The following SYNM variants were observed in gnomAD, a reference collection of about 807,000 sequenced individuals.
SYNM encodes the protein synemin.
A neutral mutation model predicts 104.0 loss-of-function variants in SYNM; 95 were observed. The ratio of observed to expected loss-of-function variants is 0.91; its 90% CI spans 0.77 to 1.08. The LOEUF (loss-of-function observed/expected upper bound fraction) is 1.08. Ranked by LOEUF, SYNM falls within the 50% of genes least tolerant of loss-of-function variation. SYNM has a pLI of 0.00. For synonymous variants in SYNM, 918 were observed against 869.0 expected, an observed-to-expected ratio of 1.06 and a Z score of -0.99; for missense variants, 2,150 against 2,052.2, an observed-to-expected ratio of 1.05 and a Z score of -0.92.
chr15:99,111,573 T>C lies in SYNM; in HGVS notation c.811-2018T>C, dbSNP rs549871721. The stretch of plus-strand genomic sequence containing the variant: ...CAGCTGTGGGATCTGTTATCGTTTT[T>C]CCACCCTGGGACATAAGCCAGTGAT... On this transcript the variant is annotated intron_variant, in intron 1 of 3. Transcript: ENST00000336292. Among the ~76,000 whole-genome samples, 26 of 152,372 alleles carry C rather than the reference T, an allele frequency of 1.7e-4. No individual in the cohort carries two copies. In the South Asian group the frequency reaches 4.1e-3, roughly 24 times the overall value.
intron 1 of SYNM, 63 bp downstream of exon 1, chr15:99,106,072 T>G: frequency 7.4e-7 from 1 of 1,345,620 alleles, no homozygotes; most frequent in Non-Finnish European, 9.5e-7. Flanking sequence ...CACCCTGCCC[T>G]TGACGGCGTG....
At chr15:99,117,311 C>T (rs547225902) in intron 2 of SYNM, among the ~76,000 whole-genome samples, 10 of 152,296 alleles carry the variant, frequency 6.6e-5, no homozygotes, top group South Asian at 6.2e-4. Context: ...GTCATCCTCT[C>T]GGCCTCTCCA....
At chr15:99,125,461 C>T (rs782264760) in intron 2 of SYNM, among the ~76,000 whole-genome samples, 3 of 152,246 alleles carry the variant, frequency 2.0e-5, no homozygotes, top group African/African-American at 4.8e-5. Context: ...GCACATGCCC[C>T]GTCCACACAC....
Position 99,105,551 on chromosome 15 carries a change from CGCGAGCTG to C in SYNM, c.353_360del (p.Arg118ProfsTer154), listed in dbSNP as rs1201585164. 10 of 1,205,516 alleles carry C rather than the reference CGCGAGCTG, an allele frequency of 8.3e-6. No homozygotes were observed. The Admixed American group carries it at 2.7e-4, about 33-fold the overall frequency. The allele number at this position is 1,205,516 out of a possible 1,614,324, so 74.7% of individuals were successfully genotyped here. A position where few individuals can be genotyped will look rare whatever the true frequency, so the allele number is the denominator to read the frequency against. ...GGACGCCGAGCTGGGTGCGCAGCAG[CGCGAGCTG>C]CAGGAGGCGCTGGGCGCGCGCGCCG... On this transcript the variant is annotated frameshift_variant, in exon 1 of 4. Coordinates refer to ENST00000336292, the MANE Select transcript of SYNM (RefSeq NM_145728.3). LOFTEE classifies it high-confidence loss of function.
Position 99,131,458 on chromosome 15 carries a change from CGGT to C in SYNM, c.3102_3104del (p.Val1035del), listed in dbSNP as rs2067505897. 1 of 1,606,826 alleles carries C rather than the reference CGGT, an allele frequency of 6.2e-7. No homozygotes were observed. Among genetic ancestry groups the C allele is most frequent in the Non-Finnish European group, 8.5e-7 (1 of 1,179,176 alleles). On this transcript the variant is annotated inframe_deletion, in exon 4 of 4. Transcript: ENST00000336292. The surrounding 1 kb of genome is among the most constrained non-coding windows in gnomAD (Gnocchi z 4.3). ...AGTGAGATGGAGAAGGCTGTGGAGT[CGGT>C]GGTTCGGGAGAGCCTGAGCAGGCAA...
At position 99,111,627 on chromosome 15, in the gene SYNM, C is replaced by T. The variant is rs150223943; in HGVS notation, c.811-1964C>T. Among the ~76,000 whole-genome samples, 28 of 152,310 alleles carry T rather than the reference C, an allele frequency of 1.8e-4. No homozygotes were observed. The East Asian group carries it at 5.2e-3, about 28-fold the overall frequency. ...TAAGTTTACTTCTTTGCTTTAAAAG[C>T]TAAGGGGTTTTAAACTACTTCAGGA... On this transcript the variant is annotated intron_variant, in intron 1 of 3. Coordinates refer to ENST00000336292, the MANE Select transcript of SYNM (RefSeq NM_145728.3).
At chr15:99,123,131 A>G (rs2067416454) in intron 2 of SYNM, among the ~76,000 whole-genome samples, 1 of 152,234 alleles carries the variant, frequency 6.6e-6, no homozygotes, top group African/African-American at 2.4e-5. Context: ...AGTTCTCTCC[A>G]TTTCAGAAAT....
chr15:99,118,423 C>A (rs1012987754), intron 2 of SYNM, among the ~76,000 whole-genome samples: 11 of 152,192 alleles, frequency 7.2e-5, no homozygotes, highest in Non-Finnish European at 1.3e-4. Context: ...GCCGTTGCCC[C>A]AGAATTGCTG....
In SYNM at chr15:99,130,744, T is replaced by C; in HGVS notation, c.2384T>C (p.Val795Ala). ...GAGGAAGGTTATGGAGAAAGCGATG[T>C]CACATTCTCAGTTAATCAGCATCGA... The part of the protein sequence containing the change: ...KEEEGYGESD[V>A]TFSVNQHRRT... The change falls in exon 4 of 4, where the codon GTC becomes GCC. Residue 795 changes from valine to alanine, a missense_variant. Physicochemically the swap from Val to Ala is moderately conservative, Grantham distance 64 (BLOSUM62 0). Transcript: ENST00000336292. The C allele has an allele frequency of 6.2e-7, 1 of 1,613,848 alleles. No homozygotes were observed. The highest frequency in any genetic ancestry group is 8.5e-7 in the Non-Finnish European group (1 of 1,179,848).
chr15:99,108,894 T>C (rs2151798542), intron 1 of SYNM, among the ~76,000 whole-genome samples: 1 of 152,376 alleles, frequency 6.6e-6, no homozygotes, highest in South Asian at 2.1e-4. Flanking sequence ...CCCGAGGTAC[T>C]CTGCTGATTT....
intron 3 of SYNM, among the ~76,000 whole-genome samples, chr15:99,128,064 G>C (rs2067463880): frequency 6.6e-6 from 1 of 152,052 alleles, no homozygotes; most frequent in Non-Finnish European, 1.5e-5. Context: ...AGGAAATAGA[G>C]ACTTAATATT....
chr15:99,135,636 GT>G (rs1417836233), downstream of SYNM: 2 of 152,592 alleles, frequency 1.3e-5, no homozygotes, highest in Non-Finnish European at 2.9e-5. Flanking sequence ...AGATTTTGAT[GT>G]TTCCTTTAAA....
At chr15:99,128,877 A>G (rs530086259) in intron 3 of SYNM, 1 of 155,828 alleles carries the variant, frequency 6.4e-6, no homozygotes, top group Non-Finnish European at 1.4e-5. Context: ...CAATATGGAA[A>G]TCAGTGAAAC....
intron 2 of SYNM, among the ~76,000 whole-genome samples, chr15:99,120,011 T>C (rs1555484356): frequency 6.6e-6 from 1 of 152,230 alleles, no homozygotes; most frequent in African/African-American, 2.4e-5. Flanking sequence ...GTACCTACCA[T>C]GTGCTAAGCG....
At chr15:99,111,079 AC>A (rs1211188947) in intron 1 of SYNM, among the ~76,000 whole-genome samples, 1 of 152,178 alleles carries the variant, frequency 6.6e-6, no homozygotes, top group Non-Finnish European at 1.5e-5. Flanking sequence ...ACTTATTCCA[AC>A]TTCAACACAG....
At chr15:99,124,318 G>A (rs1030201087) in intron 2 of SYNM, among the ~76,000 whole-genome samples, 5 of 152,218 alleles carry the variant, frequency 3.3e-5, no homozygotes, top group Non-Finnish European at 5.9e-5. Flanking sequence ...TGCTTTCGCC[G>A]TGTAGTCCTG....
chr15:99,124,533 A>G (rs752970827), intron 2 of SYNM, among the ~76,000 whole-genome samples: 1 of 152,226 alleles, frequency 6.6e-6, no homozygotes, highest in Non-Finnish European at 1.5e-5. Context: ...AGAGCTCTGC[A>G]GGGCCATTTT....
chr15:99,109,773 C>T (rs2067284122), intron 1 of SYNM, among the ~76,000 whole-genome samples: 1 of 152,122 alleles, frequency 6.6e-6, no homozygotes, highest in African/African-American at 2.4e-5. Flanking sequence ...AGTCCCTTGA[C>T]CTGAGAGGCC....
chr15:99,124,346 G>A (rs75509698), intron 2 of SYNM, among the ~76,000 whole-genome samples: 14,801 of 152,236 alleles, frequency 0.097, 900 homozygotes, highest in East Asian at 0.28. Flanking sequence ...GCGGAAGGAG[G>A]GTGGCTGCCA....
Sources: gnomAD v4.1 joint callset for allele counts (sites outside exome capture counted in the v4.1 genomes callset) on GRCh38, gnomAD v4.1.1 for gene constraint, Gnocchi (gnomAD v3.1) non-coding constraint, MANE v1.5 for transcripts, NCBI Gene and HGNC (gene_info 2026-07-23, HGNC 2026-07-21) for gene names.